The following SNX4 variants were observed in gnomAD, a reference collection of about 807,000 sequenced individuals.
SNX4 encodes the protein sorting nexin-4.
SNX4 carries 49 observed loss-of-function variants against 70.8 expected under a neutral mutation model. The observed-to-expected ratio is 0.69, with a 90% CI of 0.55 to 0.88. SNX4 has a LOEUF of 0.88. SNX4 is among the 40% of genes least tolerant of loss of function. SNX4 has a pLI of 0.00. For synonymous variants in SNX4, 206 were observed against 183.8 expected, an observed-to-expected ratio of 1.12 and a Z score of -0.98; for missense variants, 528 against 544.8, an observed-to-expected ratio of 0.97 and a Z score of 0.31.
chr3:125,453,568 C>T (rs899524866), intron 12 of SNX4, among the ~76,000 whole-genome samples: 3 of 151,722 alleles, frequency 2.0e-5, no homozygotes, highest in African/African-American at 7.3e-5. Context: ...AGGCTGGTCT[C>T]AAACTCCCAG....
rs1933565102 is a variant in SNX4, at chr3:125,451,299, C to T, written c.1305+6G>A. On this transcript the variant is annotated splice_donor_region_variant and intron_variant, in intron 13 of 13. Coordinates refer to ENST00000251775, the MANE Select transcript of SNX4 (RefSeq NM_003794.4). ...TATATCTTCACTGAAACAGGAAAAA[C>T]CCTACCTTTTTGCACATACTGATCT... 4.4e-6 allele frequency: 7 copies of T among 1,597,102 alleles called. No individual in the cohort carries two copies. Among genetic ancestry groups the T allele is most frequent in the Non-Finnish European group, 6.0e-6 (7 of 1,166,274 alleles).
chr3:125,474,068 C>A (rs1335128443), intron 8 of SNX4, among the ~76,000 whole-genome samples: 1 of 152,162 alleles, frequency 6.6e-6, no homozygotes, highest in African/African-American at 2.4e-5. Context: ...CACCTACATT[C>A]TCTATCACAA....
chr3:125,490,667 T>C (rs1345228586), intron 5 of SNX4, among the ~76,000 whole-genome samples: 1 of 152,010 alleles, frequency 6.6e-6, no homozygotes, highest in Non-Finnish European at 1.5e-5. Context: ...TTCACTTATT[T>C]CTAGATAATT....
chr3:125,496,045 T>C (rs1226126453), intron 5 of SNX4, among the ~76,000 whole-genome samples: 1 of 152,166 alleles, frequency 6.6e-6, no homozygotes, highest in African/African-American at 2.4e-5. Context: ...AAACTAGCAC[T>C]TCGGGAGGCT....
chr3:125,493,328 A>C (rs190936564), intron 5 of SNX4, among the ~76,000 whole-genome samples: 71 of 152,286 alleles, frequency 4.7e-4, no homozygotes, highest in Non-Finnish European at 6.8e-4. Flanking sequence ...CTGGTTGCTC[A>C]TGCTTATGTT....
chr3:125,484,775 T>TG (rs1197216224), intron 6 of SNX4, among the ~76,000 whole-genome samples: 1 of 152,046 alleles, frequency 6.6e-6, no homozygotes, highest in African/African-American at 2.4e-5. Context: ...GAGGATCACT[T>TG]GAGACCAGCC....
intron 10 of SNX4, among the ~76,000 whole-genome samples, chr3:125,459,266 T>C (rs940822498): frequency 6.6e-6 from 1 of 152,202 alleles, no homozygotes; most frequent in Non-Finnish European, 1.5e-5. Context: ...TGTTACCAGA[T>C]AGTATATAAT....
chr3:125,466,553 G>C (rs1015505544), intron 9 of SNX4, among the ~76,000 whole-genome samples: 3 of 152,166 alleles, frequency 2.0e-5, no homozygotes, highest in Non-Finnish European at 4.4e-5. Flanking sequence ...CCCAAACTAT[G>C]TTATCTGACA....
intron 5 of SNX4, among the ~76,000 whole-genome samples, chr3:125,493,663 A>T (rs2107556091): frequency 6.6e-6 from 1 of 151,736 alleles, no homozygotes; most frequent in East Asian, 1.9e-4. Context: ...CAAAAAAAAA[A>T]AAAAGAAAGA....
chr3:125,457,897 A>T (rs1933764608), intron 10 of SNX4, among the ~76,000 whole-genome samples: 1 of 151,960 alleles, frequency 6.6e-6, no homozygotes, highest in African/African-American at 2.4e-5. Flanking sequence ...ATATATTCTT[A>T]ACACAAAAAA....
chr3:125,514,611 C>CA (rs1935236241), intron 1 of SNX4, among the ~76,000 whole-genome samples: 1 of 152,160 alleles, frequency 6.6e-6, no homozygotes, highest in Admixed American at 6.5e-5. Context: ...AGGCTGGTCT[C>CA]AAACTCCCGA....
At chr3:125,499,099 TAGGCAATGCCATGTCTCATACATACAAA>T (rs1934870945) in intron 2 of SNX4, among the ~76,000 whole-genome samples, 1 of 152,230 alleles carries the variant, frequency 6.6e-6, no homozygotes, top group Non-Finnish European at 1.5e-5. Flanking sequence ...AAAGGGCTGG[TAGGCAATGCCATGTCTCATACATACAAA>T]AGTTCAATTT....
intron 1 of SNX4, among the ~76,000 whole-genome samples, chr3:125,519,796 T>C (rs1935362250): frequency 6.6e-6 from 1 of 151,814 alleles, no homozygotes; most frequent in African/African-American, 2.4e-5. Flanking sequence ...TCTCGACACT[T>C]CCCTCAGTCA....
chr3:125,497,497 G>T (rs986837409), intron 4 of SNX4, 109 bp from the exon 5 acceptor site: 22 of 766,950 alleles, frequency 2.9e-5, no homozygotes, highest in South Asian at 1.4e-4. Context: ...ATTGGAGAGA[G>T]AAGTTTAAAA....
chr3:125,519,463 C>T (rs774133127), intron 1 of SNX4, among the ~76,000 whole-genome samples: 7 of 152,086 alleles, frequency 4.6e-5, no homozygotes, highest in African/African-American at 7.2e-5. Flanking sequence ...TCATTTGTAC[C>T]TTTTCTTGAA....
chr3:125,489,608 A>T lies in SNX4; in HGVS notation c.598-145T>A, dbSNP rs947750085. On this transcript the variant is annotated intron_variant, in intron 5 of 13. Coordinates refer to ENST00000251775, the MANE Select transcript of SNX4 (RefSeq NM_003794.4). ...TAAACACATTAAACATGCCTAAAAA[A>T]ATAGCTTAGTAATTATTTTTGAAAA... 6.1e-6 allele frequency: 4 copies of T among 655,916 alleles called. No homozygotes were observed. In the African/African-American group the frequency reaches 7.3e-5, roughly 12 times the overall value. 40.6% of individuals were successfully genotyped at this position (655,916 alleles called of 1,614,324 possible). A position where few individuals can be genotyped will look rare whatever the true frequency, so the allele number is the denominator to read the frequency against.
At chr3:125,460,727 G>T (rs1225621034) in intron 10 of SNX4, 44 bp downstream of exon 10, 2 of 933,290 alleles carry the variant, frequency 2.1e-6, no homozygotes, top group Admixed American at 2.4e-5. Context: ...GAGGAGAGTG[G>T]TGAACAACCC....
intron 1 of SNX4, among the ~76,000 whole-genome samples, chr3:125,512,458 C>T (rs1165396554): frequency 6.6e-6 from 1 of 152,094 alleles, no homozygotes; most frequent in Non-Finnish European, 1.5e-5. Context: ...AACAGGCACA[C>T]AACAATAATA....
At chr3:125,467,711 C>A (rs1027969974) in intron 9 of SNX4, among the ~76,000 whole-genome samples, 16 of 152,052 alleles carry the variant, frequency 1.1e-4, no homozygotes. Context: ...CTGCACCTGG[C>A]CAGAATGGTT....
Sources: gnomAD v4.1 joint callset for allele counts (sites outside exome capture counted in the v4.1 genomes callset) on GRCh38, gnomAD v4.1.1 for gene constraint, MANE v1.5 for transcripts, NCBI Gene and HGNC (gene_info 2026-07-23, HGNC 2026-07-21) for gene names.